MS4A15: variants seen among roughly 807,000 people sequenced by gnomAD.
The protein encoded by MS4A15 is membrane spanning 4-domains A15, also known as membrane-spanning 4-domains subfamily A member 15.
Under a neutral mutation model 20.6 loss-of-function variants are expected in MS4A15, and 22 were observed. The ratio of observed to expected loss-of-function variants is 1.07; its 90% CI spans 0.76 to 1.52. The LOEUF is 1.52. MS4A15 is among the 40% of genes most tolerant of loss of function. The probability of loss-of-function intolerance (pLI) is 0.00; values close to 1 mark genes in which losing one functional copy is unlikely to be tolerated. For synonymous variants in MS4A15, 129 were observed against 129.3 expected (o/e 1.00, Z 0.02); for missense variants, 312 against 323.0 (o/e 0.97, Z 0.26).
Position 60,763,951 on chromosome 11 carries a change from T to G in MS4A15, c.218T>G (p.Val73Gly), listed in dbSNP as rs959280351. ...ACATTCCTGACAGGAGAGCCCAAAG[T>G]TTTGGGGGTAAGAACAGCCTCTCTG... is the stretch of plus-strand genomic sequence containing the variant. ...VETFLTGEPK[V>G]LGTVQILIGL... Residue 73 changes from valine to glycine, a missense_variant, in exon 2 of 7, where the codon GTT (valine) becomes GGT (glycine). Val to Gly is a moderately radical substitution (Grantham distance 109, BLOSUM62 -3). Coordinates refer to ENST00000405633, the MANE Select transcript of MS4A15 (RefSeq NM_001098835.2). 2 of 1,611,768 alleles carry G rather than the reference T, an allele frequency of 1.2e-6. No individual in the cohort carries two copies. The highest frequency in any genetic ancestry group is 2.7e-5 in the African/African-American group (2 of 74,920).
At chr11:60,773,201 G>A (rs923409816) in intron 4 of MS4A15, among the ~76,000 whole-genome samples, 191 bp from the exon 5 acceptor site, 3 of 152,180 alleles carry the variant, frequency 2.0e-5, no homozygotes, top group Non-Finnish European at 4.4e-5. Flanking sequence ...ACCTCCTCCC[G>A]AGGTCCCAGG....
chr11:60,770,259 C>A (rs1385240148), intron 3 of MS4A15, among the ~76,000 whole-genome samples: 2 of 152,174 alleles, frequency 1.3e-5, no homozygotes, highest in Non-Finnish European at 2.9e-5. Flanking sequence ...GCACCACTGT[C>A]TGTACTTTTC....
rs622823 is a variant in MS4A15, at chr11:60,775,806, C to A, written c.*91C>A. 4.9e-4 allele frequency: 486 copies of A among 989,226 alleles called. 3 individuals carry two copies. The African/African-American group carries it at 7.2e-3, about 15-fold the overall frequency. The allele number at this position is 989,226 out of a possible 1,614,324, so 61.3% of individuals were successfully genotyped here. ...CCCACCTTGTTCATCAGGGGCCAGC[C>A]CCATCCCAGCTGCCCTCCCTCACCA... On this transcript the variant is annotated 3_prime_UTR_variant, in exon 7 of 7. Transcript: ENST00000405633.
chr11:60,763,561 G>C (rs941061311), intron 1 of MS4A15, 145 bp from the exon 2 acceptor site: 3 of 661,064 alleles, frequency 4.5e-6, no homozygotes, highest in Admixed American at 5.8e-5. Flanking sequence ...GCTTCTCTGA[G>C]TCTCAGCTTC....
At chr11:60,773,619 C>G in intron 5 of MS4A15, 135 bp downstream of exon 5, 1 of 823,532 alleles carries the variant, frequency 1.2e-6, no homozygotes, top group Non-Finnish European at 2.0e-6. Flanking sequence ...CCCATGAATC[C>G]ATGGATCCTC....
chr11:60,765,104 G>C (rs1336489887), intron 2 of MS4A15, among the ~76,000 whole-genome samples: 4 of 152,168 alleles, frequency 2.6e-5, no homozygotes, highest in African/African-American at 9.7e-5. Flanking sequence ...GCTGCAGCTA[G>C]GTGTCTGCCT....
At chr11:60,770,505 G>A (rs1417417694) in intron 3 of MS4A15, among the ~76,000 whole-genome samples, 1 of 151,578 alleles carries the variant, frequency 6.6e-6, no homozygotes, top group African/African-American at 2.4e-5. Context: ...GGCTGGGGCA[G>A]GAGAATCACT....
intron 1 of MS4A15, among the ~76,000 whole-genome samples, chr11:60,759,637 G>A (rs1853683734): frequency 6.6e-6 from 1 of 151,938 alleles, no homozygotes; most frequent in South Asian, 2.1e-4. Context: ...ATGTCTCGGT[G>A]TAAAGCCGAC....
chr11:60,767,944 A>C (rs753181333), intron 3 of MS4A15, among the ~76,000 whole-genome samples: 29 of 151,976 alleles, frequency 1.9e-4, no homozygotes, highest in Non-Finnish European at 4.0e-4. Flanking sequence ...TGTAATCCCA[A>C]CACTTTGGGA....
rs139440635 is a variant in MS4A15, at chr11:60,774,236, A to C, written c.612+286A>C. Among the ~76,000 whole-genome samples, 78 of 151,902 alleles carry C rather than the reference A, an allele frequency of 5.1e-4. No homozygotes were observed. The East Asian group carries it at 0.015, about 29-fold the overall frequency. On this transcript the variant is annotated intron_variant, in intron 6 of 6. Coordinates refer to ENST00000405633, the MANE Select transcript of MS4A15 (RefSeq NM_001098835.2). The stretch of plus-strand genomic sequence containing the variant: ...AGACAAGCCTGGGCAACATAAAAAG[A>C]TCCTATCGCTACAAAAAAAAATGTA...
rs1854196644 is a variant in MS4A15, at chr11:60,776,446, G to A, written c.*731G>A. Reference sequence around the variant, plus strand: ...CCCTACCATCTCCCAATGGAGGGGAGGTTGCAGGGGAGAGCTGCCGCCAGC... The same window carrying A: ...CCCTACCATCTCCCAATGGAGGGGAAGTTGCAGGGGAGAGCTGCCGCCAGC... On this transcript the variant is annotated 3_prime_UTR_variant, in exon 7 of 7. Transcript: ENST00000405633. The A allele has an allele frequency of 6.6e-6, 1 of 151,038 alleles. No homozygotes were observed. The highest frequency in any genetic ancestry group is 6.6e-5 in the Admixed American group (1 of 15,174). The allele number at this position is 151,038 out of a possible 1,614,324, so 9.4% of individuals were successfully genotyped here. A position where few individuals can be genotyped will look rare whatever the true frequency, so the allele number is the denominator to read the frequency against.
intron 3 of MS4A15, among the ~76,000 whole-genome samples, chr11:60,767,959 G>A (rs1224619074): frequency 6.6e-6 from 1 of 152,166 alleles, no homozygotes; most frequent in African/African-American, 2.4e-5. Context: ...TTGGGAGGCC[G>A]AGGCAGGCAG....
chr11:60,763,884 A>T lies in MS4A15; in HGVS notation c.151A>T (p.Thr51Ser). ...TGAGGAGCCACCGCTGGGGGCACAG[A>T]CACCAAGGGCCACACAGCCACCTGA... is the stretch of plus-strand genomic sequence containing the variant. ...QFEEPPLGAQTPRATQPPDLR... is the reference protein window; with the variant it reads ...QFEEPPLGAQSPRATQPPDLR... Residue 51 changes from threonine (T) to serine (S), a missense_variant, in exon 2 of 7, where the codon ACA becomes TCA. Coordinates refer to ENST00000405633, the MANE Select transcript of MS4A15 (RefSeq NM_001098835.2). 1 of 1,613,060 alleles carries T rather than the reference A, an allele frequency of 6.2e-7. No individual in the cohort carries two copies. Among genetic ancestry groups the T allele is most frequent in the Non-Finnish European group, 8.5e-7 (1 of 1,179,894 alleles).
Position 60,763,924 on chromosome 11 carries a change from A to T in MS4A15, c.191A>T (p.Glu64Val). ...ATQPPDLRPV[E>V]TFLTGEPKVL... ...CAGCCACCTGACTTGCGGCCCGTGG[A>T]GACATTCCTGACAGGAGAGCCCAAA... is the stretch of plus-strand genomic sequence containing the variant. Residue 64 changes from glutamate (E) to valine (V), a missense_variant, in exon 2 of 7, where the codon GAG (glutamate) becomes GTG (valine). Transcript: ENST00000405633. 1 of 1,613,058 alleles carries T rather than the reference A, an allele frequency of 6.2e-7. No individual in the cohort carries two copies. The highest frequency in any genetic ancestry group is 1.1e-5 in the South Asian group (1 of 91,034).
chr11:60,760,865 C>G (rs554381993), intron 1 of MS4A15, among the ~76,000 whole-genome samples: 1 of 152,196 alleles, frequency 6.6e-6, no homozygotes, highest in Non-Finnish European at 1.5e-5. Flanking sequence ...TACCTGGGGA[C>G]AGCTAAAGAA....
Position 60,767,665 on chromosome 11 carries a change from G to T in MS4A15, c.348+10G>T. The T allele has an allele frequency of 6.5e-7, 1 of 1,542,506 alleles. No homozygotes were observed. ...CTGGGGAGGAGCCTGCGTGAGTGCC[G>T]GGGCCATGGAGAGGGAGGGTAGGGG... On this transcript the variant is annotated intron_variant, in intron 3 of 6. Transcript: ENST00000405633.
chr11:60,767,719 C>T (rs942079998), intron 3 of MS4A15, 64 bp downstream of exon 3: 8 of 1,450,678 alleles, frequency 5.5e-6, no homozygotes, highest in African/African-American at 4.3e-5. Context: ...CTCTCCCCCA[C>T]GCGCCCACCC....
chr11:60,757,429 C>T (rs1853621959), intron 1 of MS4A15, among the ~76,000 whole-genome samples: 1 of 152,130 alleles, frequency 6.6e-6, no homozygotes, highest in Non-Finnish European at 1.5e-5. Flanking sequence ...GTGGGTCAGA[C>T]CGCCCGTCTT....
chr11:60,757,862 C>G (rs906869321), intron 1 of MS4A15, among the ~76,000 whole-genome samples: 2 of 152,188 alleles, frequency 1.3e-5, no homozygotes, highest in Non-Finnish European at 2.9e-5. Flanking sequence ...CTCTGAGGCG[C>G]TTTTTGGCGC....
Sources: gnomAD v4.1 joint callset for allele counts (sites outside exome capture counted in the v4.1 genomes callset) on GRCh38, gnomAD v4.1.1 for gene constraint, MANE v1.5 for transcripts, NCBI Gene and HGNC (gene_info 2026-07-23, HGNC 2026-07-21) for gene names.